The following PTGIR variants were observed in gnomAD, a reference collection of about 807,000 sequenced individuals.
PTGIR encodes the protein prostaglandin I2 receptor, also known as prostacyclin receptor.
PTGIR carries 16 observed loss-of-function variants against 17.6 expected under a neutral mutation model. The observed-to-expected ratio is 0.91, with a 90% CI of 0.61 to 1.38. The LOEUF is 1.38. Among genes scored for constraint, PTGIR ranks in the 40% most tolerant of loss-of-function variants. The pLI, the probability that PTGIR is intolerant of heterozygous loss-of-function variation, is 0.00. For missense variants in PTGIR, 532 were observed against 548.6 expected, an observed-to-expected ratio of 0.97 and a Z score of 0.30; for synonymous variants, 274 against 255.4, an observed-to-expected ratio of 1.07 and a Z score of -0.69.
At position 46,621,008 on chromosome 19, in the gene PTGIR, G is replaced by C. The variant is rs184926891; in HGVS notation, c.*272C>G. On this transcript the variant is annotated 3_prime_UTR_variant, in exon 3 of 3. Transcript: ENST00000291294. This position sits in a 1 kb window ranked among gnomAD's most constrained non-coding sequence, Gnocchi z 4.8. ...CTTCTAAATATTTAGACAATGAGAT[G>C]GATGGGGAATCCAGGGCCAGAGCAG... 8.6e-7 allele frequency: 1 copy of C among 1,157,620 alleles called. No homozygotes were observed. The highest frequency in any genetic ancestry group is 4.1e-5 in the East Asian group (1 of 24,128). 71.7% of individuals were successfully genotyped at this position (1,157,620 alleles called of 1,614,324 possible).
At chr19:46,613,770 G>A in the PTGIR span, among the ~76,000 whole-genome samples, 217 of 152,318 alleles carry the variant, frequency 1.4e-3, 1 homozygote, top group African/African-American at 5.0e-3. Context: ...TGGCAGTAGA[G>A]GAGTGGAGGC....
chr19:46,614,361 G>A, the PTGIR span: 3 of 984,336 alleles, frequency 3.0e-6, no homozygotes, highest in South Asian at 9.4e-5. Context: ...CCCAGCCCAC[G>A]GCATAAATCT....
At chr19:46,622,581 G>C (rs950209992) in intron 2 of PTGIR, 2 of 173,504 alleles carry the variant, frequency 1.2e-5, no homozygotes, top group Non-Finnish European at 2.3e-5. Context: ...ATTTCATCAT[G>C]GGGGGCTCAG....
downstream of PTGIR, among the ~76,000 whole-genome samples, chr19:46,617,987 C>T (rs1317688333): frequency 7.9e-5 from 12 of 150,950 alleles, no homozygotes; most frequent in South Asian, 1.9e-3. Context: ...TACATGTGTG[C>T]GCTACCACAC....
Position 46,621,156 on chromosome 19 carries a change from CA to C in PTGIR, c.*123del. The C allele has an allele frequency of 7.2e-6, 10 of 1,390,832 alleles. No homozygotes were observed. Among genetic ancestry groups the C allele is most frequent in the Non-Finnish European group, 9.4e-6 (10 of 1,068,964 alleles). 86.2% of individuals were successfully genotyped at this position (1,390,832 alleles called of 1,614,324 possible). A position where few individuals can be genotyped will look rare whatever the true frequency, so the allele number is the denominator to read the frequency against. ...GACTGCCCTGCCGCAGGAGAAACAG[CA>C]GCTGATCGGCCCCAGAGTTTGGGGG... On this transcript the variant is annotated 3_prime_UTR_variant, in exon 3 of 3. Transcript: ENST00000291294. This position sits in a 1 kb window ranked among gnomAD's most constrained non-coding sequence, Gnocchi z 4.8.
chr19:46,614,302 C>G, the PTGIR span: 2 of 841,444 alleles, frequency 2.4e-6, no homozygotes, highest in Admixed American at 1.2e-4. Flanking sequence ...GTGTGACCAG[C>G]AGGTGGGGCA....
downstream of PTGIR, among the ~76,000 whole-genome samples, chr19:46,619,604 G>GGAAAGAAAGAAAGAAA (rs200994043): frequency 2.2e-3 from 150 of 67,150 alleles, 5 homozygotes; most frequent in African/African-American, 4.8e-3. Context: ...AAGAAAGAAA[G>GGAAAGAAAGAAAGAAA]GAAAGAAAGA....
chr19:46,618,876 G>C (rs926702463), downstream of PTGIR, among the ~76,000 whole-genome samples: 1 of 152,152 alleles, frequency 6.6e-6, no homozygotes, highest in Non-Finnish European at 1.5e-5. Context: ...CAGGGTGGGG[G>C]AAGTCAAAAC....
chr19:46,621,335 C>A lies in PTGIR; in HGVS notation c.1106G>T (p.Ser369Ile). The change falls in exon 3 of 3, where the codon AGC becomes ATC. Residue 369 changes from serine (S) to isoleucine (I), a missense_variant. Ser to Ile is a moderately radical substitution (Grantham distance 142). Transcript: ENST00000291294. This position sits in a 1 kb window ranked among gnomAD's most constrained non-coding sequence, Gnocchi z 4.8. ...TGCTTTGGACGACGTTCCCACGGCGCTGCCGCTGGACTGCTGTGTGGGAGG... is the reference window on the plus strand; with the variant it reads ...TGCTTTGGACGACGTTCCCACGGCGATGCCGCTGGACTGCTGTGTGGGAGG... ...PLPPTQQSSGSAVGTSSKAEA... is the reference protein window; with the variant it reads ...PLPPTQQSSGIAVGTSSKAEA... 1 of 1,526,702 alleles carries A rather than the reference C, an allele frequency of 6.6e-7. No individual in the cohort carries two copies. Among genetic ancestry groups the A allele is most frequent in the Non-Finnish European group, 8.8e-7 (1 of 1,137,142 alleles). The allele number at this position is 1,526,702 out of a possible 1,614,324, so 94.6% of individuals were successfully genotyped here. A position where few individuals can be genotyped will look rare whatever the true frequency, so the allele number is the denominator to read the frequency against.
the PTGIR span, chr19:46,614,390 G>A: frequency 2.0e-6 from 2 of 985,410 alleles, no homozygotes; most frequent in East Asian, 1.1e-4. Flanking sequence ...CGGTGTTTAA[G>A]TCCCATTTGT....
chr19:46,613,486 C>T, the PTGIR span, among the ~76,000 whole-genome samples: 1 of 151,784 alleles, frequency 6.6e-6, no homozygotes, highest in Non-Finnish European at 1.5e-5. Flanking sequence ...ACAGGCGCCA[C>T]GCCCCACTAA....
Position 46,621,776 on chromosome 19 carries a change from T to C in PTGIR, c.769-104A>G, listed in dbSNP as rs2052731105. ...TACCAGGGATGAGGTAGGGGTGACA[T>C]GTCAGAGGGGAAGGAGATAAGATAA... On this transcript the variant is annotated intron_variant, in intron 2 of 2. Transcript: ENST00000291294. This position sits in a 1 kb window ranked among gnomAD's most constrained non-coding sequence, Gnocchi z 4.8. The C allele has an allele frequency of 1.4e-6, 2 of 1,473,406 alleles. No homozygotes were observed. The allele number at this position is 1,473,406 out of a possible 1,614,324, so 91.3% of individuals were successfully genotyped here.
chr19:46,624,018 C>A lies in PTGIR; in HGVS notation c.208G>T (p.Ala70Ser). 1 of 1,542,858 alleles carries A rather than the reference C, an allele frequency of 6.5e-7. No individual in the cohort carries two copies. The highest frequency in any genetic ancestry group is 1.4e-5 in the African/African-American group (1 of 72,914). Reference protein sequence around the residue: ...DLLGTSFLSPAVFVAYARNSS... With the variant: ...DLLGTSFLSPSVFVAYARNSS... ...TTGCGCGCATAGGCCACGAACACGG[C>A]CGGGCTCAGGAAGCTGGTGCCCAGC... Residue 70 changes from alanine to serine, a missense_variant, in exon 2 of 3, where the codon GCC becomes TCC. Transcript: ENST00000291294.
Position 46,621,778 on chromosome 19 carries a change from T to A in PTGIR, c.769-106A>T. The A allele has an allele frequency of 6.8e-7, 1 of 1,470,958 alleles. No individual in the cohort carries two copies. The highest frequency in any genetic ancestry group is 9.0e-7 in the Non-Finnish European group (1 of 1,110,990). The allele number at this position is 1,470,958 out of a possible 1,614,324, so 91.1% of individuals were successfully genotyped here. A position where few individuals can be genotyped will look rare whatever the true frequency, so the allele number is the denominator to read the frequency against. ...CCAGGGATGAGGTAGGGGTGACATG[T>A]CAGAGGGGAAGGAGATAAGATAAAG... On this transcript the variant is annotated intron_variant, in intron 2 of 2. Coordinates refer to ENST00000291294, the MANE Select transcript of PTGIR (RefSeq NM_000960.4). The surrounding 1 kb of genome is among the most constrained non-coding windows in gnomAD (Gnocchi z 4.8).
rs2052730760 is a variant in PTGIR, at chr19:46,621,731, G to C, written c.769-59C>G. Reference sequence around the variant, plus strand: ...AGGAGTCCTCAGCCTCCCCACCCTGGCTCCCTCCTCCCACTTGCTTACCAG... The same window carrying C: ...AGGAGTCCTCAGCCTCCCCACCCTGCCTCCCTCCTCCCACTTGCTTACCAG... On this transcript the variant is annotated intron_variant, in intron 2 of 2. Coordinates refer to ENST00000291294, the MANE Select transcript of PTGIR (RefSeq NM_000960.4). The surrounding 1 kb of genome is among the most constrained non-coding windows in gnomAD (Gnocchi z 4.8). 9 of 1,547,326 alleles carry C rather than the reference G, an allele frequency of 5.8e-6. No individual in the cohort carries two copies. The Admixed American group carries it at 1.5e-4, about 26-fold the overall frequency.
chr19:46,614,621 A>G, the PTGIR span, among the ~76,000 whole-genome samples: 1 of 152,124 alleles, frequency 6.6e-6, no homozygotes, highest in South Asian at 2.1e-4. Context: ...TCAAGCCTAT[A>G]ATCCCAGCAC....
intron 2 of PTGIR, chr19:46,622,361 G>A (rs923731224): frequency 2.0e-6 from 2 of 985,302 alleles, no homozygotes; most frequent in African/African-American, 1.7e-5. Context: ...GTGTGACTGG[G>A]CGAAAGACAC....
rs201261904 is a variant in PTGIR at position 46,624,222 on chromosome 19, C to T, written c.4G>A (p.Ala2Thr). 150 of 1,444,544 alleles carry T rather than the reference C, an allele frequency of 1.0e-4. No homozygotes were observed. The highest frequency in any genetic ancestry group is 8.1e-4 in the Middle Eastern group (4 of 4,950). The allele number at this position is 1,444,544 out of a possible 1,614,324, so 89.5% of individuals were successfully genotyped here. A position where few individuals can be genotyped will look rare whatever the true frequency, so the allele number is the denominator to read the frequency against. ...TAGGTGAGGTTCCTGCACGAATCCGCCATCCCAGGTCTGGGCTGGAGGGTT... is the reference window on the plus strand; with the variant it reads ...TAGGTGAGGTTCCTGCACGAATCCGTCATCCCAGGTCTGGGCTGGAGGGTT... M[A>T]DSCRNLTYVR... Residue 2 changes from alanine to threonine, a missense_variant, in exon 2 of 3, where the codon GCG (alanine) becomes ACG (threonine). Physicochemically the swap from Ala to Thr is moderately conservative, Grantham distance 58. Transcript: ENST00000291294.
Position 46,623,591 on chromosome 19 carries a change from C to T in PTGIR, c.635G>A (p.Arg212His), listed in dbSNP as rs2229131. ...GTGGCGCTTCTGCTGGCGGTACATG[C>T]GGCAGAGGCTGAGGGTGACCGAGCC... ...CNGSVTLSLC[R>H]MYRQQKRHQG... Residue 212 changes from arginine to histidine, a missense_variant, in exon 2 of 3, where the codon CGC becomes CAC. By Grantham distance (29) the Arg-to-His change is conservative (BLOSUM62 0). Transcript: ENST00000291294. The T allele has an allele frequency of 7.4e-4, 1,147 of 1,550,384 alleles. 18 individuals are homozygous for T. In the East Asian group the frequency reaches 0.021, roughly 29 times the overall value.
Sources: gnomAD v4.1 joint callset for allele counts (sites outside exome capture counted in the v4.1 genomes callset) on GRCh38, gnomAD v4.1.1 for gene constraint, Gnocchi (gnomAD v3.1) non-coding constraint, MANE v1.5 for transcripts, NCBI Gene and HGNC (gene_info 2026-07-23, HGNC 2026-07-21) for gene names.